TRPM3: variants seen among roughly 807,000 people sequenced by gnomAD.
TRPM3 encodes transient receptor potential cation channel subfamily M member 3, also known as long transient receptor potential channel 3.
A neutral mutation model predicts 181.2 loss-of-function variants in TRPM3; 77 were observed. That is an observed-to-expected ratio of 0.42 (90% CI 0.35 to 0.51). The LOEUF is 0.51. Among genes scored for constraint, TRPM3 ranks in the 20% least tolerant of loss-of-function variants. TRPM3 has a pLI of 0.01. For synonymous variants in TRPM3, 745 were observed against 796.4 expected (o/e 0.94, Z 1.09); for missense variants, 1,759 against 2,196.7 (o/e 0.80, Z 3.98).
chr9:71,443,194 G>A (rs917837047), intron 1 of TRPM3, among the ~76,000 whole-genome samples: 7 of 152,020 alleles, frequency 4.6e-5, no homozygotes, highest in African/African-American at 9.7e-5. Context: ...TTACCGTATC[G>A]GAATTTTATG....
At chr9:71,388,787 A>G (rs2092990196) in intron 1 of TRPM3, among the ~76,000 whole-genome samples, 2 of 152,156 alleles carry the variant, frequency 1.3e-5, no homozygotes, top group African/African-American at 2.4e-5. Flanking sequence ...ATGTGGCTTC[A>G]GTGCCCCAGG....
Position 70,535,657 on chromosome 9 carries a change from C to T in TRPM3, c.*296G>A. 6.9e-7 allele frequency: 1 copy of T among 1,442,176 alleles called. No individual in the cohort carries two copies. The highest frequency in any genetic ancestry group is 9.0e-7 in the Non-Finnish European group (1 of 1,105,906). The allele number at this position is 1,442,176 out of a possible 1,614,324, so 89.3% of individuals were successfully genotyped here. On this transcript the variant is annotated 3_prime_UTR_variant, in exon 26 of 26. Transcript: ENST00000677713. ...TTGTTTCCCCTGCTCTCATGGCTTT[C>T]TGCTGTGACTGCGGATACACATTCA... is the stretch of plus-strand genomic sequence containing the variant.
chr9:71,440,188 A>T (rs775440466), intron 1 of TRPM3, among the ~76,000 whole-genome samples: 2 of 152,160 alleles, frequency 1.3e-5, no homozygotes, highest in Non-Finnish European at 2.9e-5. Context: ...TCTTAAACTC[A>T]CTAGGAAAGG....
chr9:70,908,909 T>C (rs370101162), intron 1 of TRPM3, among the ~76,000 whole-genome samples: 35 of 152,306 alleles, frequency 2.3e-4, no homozygotes, highest in East Asian at 2.1e-3. Context: ...AACTGAATAT[T>C]CACATAGGAA....
chr9:71,009,638 T>C (rs1660485161), intron 1 of TRPM3, among the ~76,000 whole-genome samples: 1 of 152,180 alleles, frequency 6.6e-6, no homozygotes, highest in African/African-American at 2.4e-5. Context: ...GAATTAATAT[T>C]GTTAAAATGT....
intron 8 of TRPM3, among the ~76,000 whole-genome samples, chr9:70,746,332 A>C (rs1197665112): frequency 6.6e-6 from 1 of 151,970 alleles, no homozygotes; most frequent in Non-Finnish European, 1.5e-5. Flanking sequence ...GGTTTTTATG[A>C]GTCTATTAAG....
intron 1 of TRPM3, among the ~76,000 whole-genome samples, chr9:71,091,954 A>G (rs2066296778): frequency 6.6e-6 from 1 of 152,138 alleles, no homozygotes; most frequent in Non-Finnish European, 1.5e-5. Context: ...AAGCACAAGC[A>G]TGTATTATTT....
At chr9:70,892,640 C>G (rs2096225795) in intron 1 of TRPM3, among the ~76,000 whole-genome samples, 1 of 149,656 alleles carries the variant, frequency 6.7e-6, no homozygotes, top group Non-Finnish European at 1.5e-5. Context: ...AGCCAATCTG[C>G]AAGCATTTAT....
intron 1 of TRPM3, among the ~76,000 whole-genome samples, chr9:71,207,024 G>C (rs2079166210): frequency 6.6e-6 from 1 of 152,030 alleles, no homozygotes; most frequent in African/African-American, 2.4e-5. Context: ...GCTAAGCAAG[G>C]AGATGAAGGC....
intron 1 of TRPM3, among the ~76,000 whole-genome samples, chr9:71,168,982 C>A (rs180772023): frequency 6.6e-6 from 1 of 152,184 alleles, no homozygotes; most frequent in African/African-American, 2.4e-5. Context: ...TATAAAAAAG[C>A]ATTTCCAATA....
intron 1 of TRPM3, among the ~76,000 whole-genome samples, chr9:70,956,961 CTTT>C (rs747544684): frequency 3.3e-4 from 46 of 137,408 alleles, no homozygotes; most frequent in African/African-American, 8.9e-4. Flanking sequence ...TTCTTTCTTT[CTTT>C]TTTTTTTTTT....
intron 1 of TRPM3, among the ~76,000 whole-genome samples, chr9:71,137,414 A>T (rs761431605): frequency 1.3e-5 from 2 of 152,232 alleles, no homozygotes; most frequent in South Asian, 4.1e-4. Context: ...AAGTCAATAC[A>T]TAAGACCAGC....
chr9:71,111,592 C>G (rs958097823), intron 1 of TRPM3, among the ~76,000 whole-genome samples: 3 of 152,164 alleles, frequency 2.0e-5, no homozygotes, highest in Non-Finnish European at 4.4e-5. Context: ...CCCCAAATGT[C>G]AGTAGTGTTG....
At chr9:70,629,844 AG>A (rs1442275857) in intron 12 of TRPM3, among the ~76,000 whole-genome samples, 1 of 152,218 alleles carries the variant, frequency 6.6e-6, no homozygotes, top group African/African-American at 2.4e-5. Context: ...GGAGCAAAGA[AG>A]TTAGGGAATT....
At chr9:71,278,354 C>T (rs1465455744) in intron 1 of TRPM3, among the ~76,000 whole-genome samples, 2 of 152,142 alleles carry the variant, frequency 1.3e-5, no homozygotes, top group African/African-American at 4.8e-5. Flanking sequence ...GTCAAAGAGG[C>T]TTCCCAAAGG....
At chr9:70,638,571 A>G (rs2057575077) in intron 11 of TRPM3, among the ~76,000 whole-genome samples, 1 of 151,076 alleles carries the variant, frequency 6.6e-6, no homozygotes, top group South Asian at 2.1e-4. Context: ...AAACAAAACA[A>G]AACCAAAATT....
rs2082665346 is a variant in TRPM3, at chr9:70,782,435, C to T, written c.1148+1670G>A. On this transcript the variant is annotated intron_variant, in intron 7 of 25. Coordinates refer to ENST00000677713, the MANE Select transcript of TRPM3 (RefSeq NM_001366145.2). ...CCATGTTGGTCAGGCTGGTCTTGAA[C>T]TCCTGAACTCAAGTGATCCACCCGC... Among the ~76,000 whole-genome samples the T allele has an allele frequency of 2.0e-5, 3 of 152,246 alleles. No individual in the cohort carries two copies. The South Asian group carries it at 6.2e-4, about 32-fold the overall frequency.
intron 1 of TRPM3, among the ~76,000 whole-genome samples, chr9:71,350,317 C>T (rs1409235168): frequency 6.6e-6 from 1 of 152,164 alleles, no homozygotes; most frequent in Non-Finnish European, 1.5e-5. Flanking sequence ...AACTAGTTTT[C>T]ATAAAAATTC....
chr9:71,206,286 T>C (rs10868980), intron 1 of TRPM3, among the ~76,000 whole-genome samples: 42,017 of 151,940 alleles, frequency 0.28, 6,173 homozygotes, highest in East Asian at 0.36. Context: ...GAGATCGCCG[T>C]TCTAACTGGT....
Sources: allele counts gnomAD v4.1 joint callset (sites outside exome capture counted in the v4.1 genomes callset), GRCh38; gene constraint gnomAD v4.1.1; transcripts MANE v1.5; gene names NCBI Gene and HGNC (gene_info 2026-07-23, HGNC 2026-07-21).